The following CRACD variants were observed in gnomAD, a reference collection of about 807,000 sequenced individuals.
The protein encoded by CRACD is capping protein-inhibiting regulator of actin dynamics.
CRACD carries 56 observed loss-of-function variants against 106.8 expected under a neutral mutation model. That is an observed-to-expected ratio of 0.52 (90% CI 0.42 to 0.66). CRACD has a LOEUF of 0.66. CRACD is among the 30% of genes least tolerant of loss of function. The pLI, the probability that CRACD is intolerant of heterozygous loss-of-function variation, is 0.00. For synonymous variants in CRACD, 754 were observed against 670.8 expected (o/e 1.12, Z -1.92); for missense variants, 1,730 against 1,623.2 (o/e 1.07, Z -1.13).
intron 1 of CRACD, among the ~76,000 whole-genome samples, chr4:56,133,135 T>A (rs1369719951): frequency 6.6e-6 from 1 of 152,228 alleles, no homozygotes; most frequent in African/African-American, 2.4e-5. Context: ...CCAGATTTTC[T>A]TACGTCTGCA....
At chr4:56,080,222 C>T (rs912565055) in intron 1 of CRACD, among the ~76,000 whole-genome samples, 6 of 151,946 alleles carry the variant, frequency 3.9e-5, no homozygotes, top group African/African-American at 1.5e-4. Context: ...TTTTAAAAAA[C>T]GGTGGTAAAA....
Position 56,316,607 on chromosome 4 carries a change from G to T in CRACD, c.3105G>T (p.Ala1035=). The T allele has an allele frequency of 6.2e-7, 1 of 1,613,368 alleles. No homozygotes were observed. The highest frequency in any genetic ancestry group is 8.5e-7 in the Non-Finnish European group (1 of 1,179,804). The stretch of plus-strand genomic sequence containing the variant: ...AGAAGAGGGACGAGGAGGAAGAGGC[G>T]ACAGAGAGGAAACCTGCTTCCCCAC... The part of the protein sequence containing the change: ...KGQKRDEEEE[A]TERKPASPPL... Residue 1035 remains alanine (A), a synonymous_variant, in exon 8 of 11, where the codon GCG becomes GCT. Transcript: ENST00000682029.
In CRACD at chr4:56,057,992, G is replaced by T. The variant is rs563768380; in HGVS notation, c.-336+8693G>T. 6.9e-5 allele frequency among the ~76,000 whole-genome samples: 8 copies of T among 116,362 alleles called. 3 individuals are homozygous for T. The South Asian group carries it at 2.1e-3, about 30-fold the overall frequency. The allele number at this position is 116,362 out of a possible 152,430, so 76.3% of individuals were successfully genotyped here. ...CGCTACCACGCCCAGCTAATTTTTTGTATTTTTTTAGTAGAGACGGGGTTT... is the reference window on the plus strand; with the variant it reads ...CGCTACCACGCCCAGCTAATTTTTTTTATTTTTTTAGTAGAGACGGGGTTT... On this transcript the variant is annotated intron_variant, in intron 1 of 10. Transcript: ENST00000682029.
chr4:56,109,436 G>A (rs924485479), intron 1 of CRACD, among the ~76,000 whole-genome samples: 1 of 152,156 alleles, frequency 6.6e-6, no homozygotes, highest in African/African-American at 2.4e-5. Flanking sequence ...ACAGGTTGGA[G>A]GAGACTGAGG....
chr4:56,133,992 G>A (rs748669323), intron 1 of CRACD, among the ~76,000 whole-genome samples: 3 of 152,012 alleles, frequency 2.0e-5, no homozygotes, highest in African/African-American at 7.3e-5. Flanking sequence ...CATGAGCCCC[G>A]GAGTTCGAGA....
intron 1 of CRACD, among the ~76,000 whole-genome samples, chr4:56,058,883 A>G (rs946431217): frequency 6.6e-6 from 1 of 152,164 alleles, no homozygotes; most frequent in Admixed American, 6.5e-5. Context: ...GGAACCTCCG[A>G]CACTTCAATT....
rs776343729 is a variant in CRACD at position 56,314,398 on chromosome 4, G to C, written c.896G>C (p.Gly299Ala). ...EEQQRSLEAP[G>A]WEDAERRERE... ...CAGCAGCGGAGCCTGGAAGCGCCAG[G>C]TTGGGAGGACGCGGAGCGGAGGGAG... Residue 299 changes from glycine (G) to alanine (A), a missense_variant, in exon 8 of 11, where the codon GGT becomes GCT. Around this residue, in one of 5 missense-constraint regions of CRACD, gnomAD observed 1,620 missense variants for 1,481.6 expected, o/e 1.09. Transcript: ENST00000682029. This position sits in a 1 kb window ranked among gnomAD's most constrained non-coding sequence, Gnocchi z 4.4. The C allele has an allele frequency of 6.5e-7, 1 of 1,546,246 alleles. No homozygotes were observed. Among genetic ancestry groups the C allele is most frequent in the Non-Finnish European group, 8.7e-7 (1 of 1,145,770 alleles).
intron 2 of CRACD, among the ~76,000 whole-genome samples, chr4:56,191,391 T>TCCTCCCTC (rs1199422442): frequency 6.6e-6 from 1 of 150,576 alleles, no homozygotes; most frequent in Non-Finnish European, 1.5e-5. Context: ...CTCCCTCCCT[T>TCCTCCCTC]CCTCCCTCCC....
At position 56,296,908 on chromosome 4, in the gene CRACD, T is replaced by C. The variant is rs563369283; in HGVS notation, c.-16-1306T>C. Among the ~76,000 whole-genome samples the C allele has an allele frequency of 3.7e-5, 5 of 134,046 alleles. No individual in the cohort carries two copies. In the South Asian group the frequency reaches 7.3e-4, roughly 20 times the overall value. 87.9% of individuals were successfully genotyped at this position (134,046 alleles called of 152,430 possible). ...TGCTGCTTCCTCTTTGTGCATTTCT[T>C]TTTTTTTGTTTGTTTTTTTTTTTTT... On this transcript the variant is annotated intron_variant, in intron 3 of 10. Transcript: ENST00000682029.
chr4:56,227,127 C>G (rs1420113861), intron 2 of CRACD, among the ~76,000 whole-genome samples: 1 of 152,158 alleles, frequency 6.6e-6, no homozygotes, highest in Non-Finnish European at 1.5e-5. Flanking sequence ...TGGACTAAAA[C>G]AGGATTCCAG....
chr4:56,086,572 T>C (rs142573828), intron 1 of CRACD, among the ~76,000 whole-genome samples: 1 of 152,246 alleles, frequency 6.6e-6, no homozygotes, highest in African/African-American at 2.4e-5. Context: ...GGACACCTCC[T>C]TCACTTTCCC....
At chr4:56,295,456 T>C (rs1386660807) in intron 3 of CRACD, among the ~76,000 whole-genome samples, 1 of 151,780 alleles carries the variant, frequency 6.6e-6, no homozygotes, top group Admixed American at 6.6e-5. Flanking sequence ...AAGTGAGTAA[T>C]GAATGGACAT....
At chr4:56,254,584 T>A (rs1741238566) in intron 2 of CRACD, among the ~76,000 whole-genome samples, 1 of 152,108 alleles carries the variant, frequency 6.6e-6, no homozygotes, top group Non-Finnish European at 1.5e-5. Context: ...CACTTTGCAA[T>A]GGGTCCAGGG....
At chr4:56,298,038 C>T (rs2109720306) in intron 3 of CRACD, 176 bp from the exon 4 acceptor site, 2 of 599,884 alleles carry the variant, frequency 3.3e-6, no homozygotes, top group East Asian at 2.9e-5. Flanking sequence ...GATGGGGACC[C>T]TTTTGTCTAC....
At chr4:56,122,659 T>C (rs576878453) in intron 1 of CRACD, among the ~76,000 whole-genome samples, 4 of 152,334 alleles carry the variant, frequency 2.6e-5, no homozygotes, top group Admixed American at 2.6e-4. Context: ...TTTCCAGTCC[T>C]CAATAACATC....
intron 1 of CRACD, among the ~76,000 whole-genome samples, chr4:56,100,644 A>T (rs1165068455): frequency 6.6e-6 from 1 of 152,230 alleles, no homozygotes; most frequent in African/African-American, 2.4e-5. Flanking sequence ...TTATAAGAGT[A>T]GGCACTAATC....
rs369905851 is a variant in CRACD, at chr4:56,184,980, G to A, written c.-189+5550G>A. Among the ~76,000 whole-genome samples, 18 of 151,864 alleles carry A rather than the reference G, an allele frequency of 1.2e-4. No individual in the cohort carries two copies. The South Asian group carries it at 1.5e-3, about 12-fold the overall frequency. ...TTATTTTATTTTTATTTTTTGAGAC[G>A]GAGTCTTGCTCAGTCGCCCAGGCTG... is the stretch of plus-strand genomic sequence containing the variant. On this transcript the variant is annotated intron_variant, in intron 2 of 10. Coordinates refer to ENST00000682029, the MANE Select transcript of CRACD (RefSeq NM_001393381.1).
chr4:56,093,773 G>C (rs1733504903), intron 1 of CRACD, among the ~76,000 whole-genome samples: 1 of 152,170 alleles, frequency 6.6e-6, no homozygotes, highest in African/African-American at 2.4e-5. Flanking sequence ...GGTAACCAGA[G>C]GCCCTTCTGG....
chr4:56,230,406 C>T (rs1461484225), intron 2 of CRACD, among the ~76,000 whole-genome samples: 1 of 152,150 alleles, frequency 6.6e-6, no homozygotes, highest in Non-Finnish European at 1.5e-5. Context: ...ACAACATGTA[C>T]TGAGCACTGC....
Sources: allele counts gnomAD v4.1 joint callset (sites outside exome capture counted in the v4.1 genomes callset), GRCh38; gene constraint gnomAD v4.1.1; regional missense constraint gnomAD v4.1.1; non-coding constraint Gnocchi (gnomAD v3.1); transcripts MANE v1.5; gene names NCBI Gene and HGNC (gene_info 2026-07-23, HGNC 2026-07-21).